The following GUCY1A2 variants were observed in gnomAD, a reference collection of about 807,000 sequenced individuals.
GUCY1A2 encodes the protein guanylate cyclase 1 soluble subunit alpha 2.
Under a neutral mutation model 63.5 loss-of-function variants are expected in GUCY1A2, and 27 were observed. That is an observed-to-expected ratio of 0.43 (90% confidence interval 0.31 to 0.59). The LOEUF is 0.59. Among genes scored for constraint, GUCY1A2 ranks in the 20% least tolerant of loss-of-function variants. GUCY1A2 has a pLI of 0.11. For synonymous variants in GUCY1A2, 364 were observed against 343.5 expected, an observed-to-expected ratio of 1.06 and a Z score of -0.66; for missense variants, 768 against 913.3, an observed-to-expected ratio of 0.84 and a Z score of 2.05.
At chr11:106,702,228 G>T (rs1265307755) in intron 7 of GUCY1A2, among the ~76,000 whole-genome samples, 1 of 152,142 alleles carries the variant, frequency 6.6e-6, no homozygotes, top group Non-Finnish European at 1.5e-5. Flanking sequence ...ATGAGATATT[G>T]GAGCTAAAAG....
In GUCY1A2 at chr11:106,683,337, C is replaced by T; in HGVS notation, c.*4212G>A. 4.5e-6 allele frequency: 1 copy of T among 223,228 alleles called. No individual in the cohort carries two copies. Among genetic ancestry groups the T allele is most frequent in the Non-Finnish European group, 9.0e-6 (1 of 111,682 alleles). The allele number at this position is 223,228 out of a possible 1,614,324, so 13.8% of individuals were successfully genotyped here. A position where few individuals can be genotyped will look rare whatever the true frequency, so the allele number is the denominator to read the frequency against. On this transcript the variant is annotated 3_prime_UTR_variant, in exon 8 of 8. Coordinates refer to ENST00000526355, the MANE Select transcript of GUCY1A2 (RefSeq NM_000855.3). ...CTAGATATTGTCAGCTGAAAGACGC[C>T]TGGTGCTACCCAAAGCCTATTCAGA... is the stretch of plus-strand genomic sequence containing the variant.
intron 6 of GUCY1A2, among the ~76,000 whole-genome samples, chr11:106,734,207 C>T (rs1189487244): frequency 6.6e-6 from 1 of 152,048 alleles, no homozygotes; most frequent in Non-Finnish European, 1.5e-5. Flanking sequence ...TACCAGCAAC[C>T]ACTGGAGCAA....
rs71041701 is a variant in GUCY1A2, at chr11:106,944,215, C to CAAAA, written c.488-4041_488-4038dup. Among the ~76,000 whole-genome samples the CAAAA allele has an allele frequency of 3.2e-3, 68 of 21,548 alleles. 2 individuals carry two copies. Among genetic ancestry groups the CAAAA allele is most frequent in the East Asian group, 7.1e-3 (4 of 566 alleles). 14.1% of individuals were successfully genotyped at this position (21,548 alleles called of 152,430 possible). On this transcript the variant is annotated intron_variant, in intron 3 of 7. Coordinates refer to ENST00000526355, the MANE Select transcript of GUCY1A2 (RefSeq NM_000855.3). ...GGGCAACAGAGTGAGACCCTGTCTC[C>CAAAA]AAAAAAAAAAAAAAAAAAAAAGCAG...
intron 5 of GUCY1A2, among the ~76,000 whole-genome samples, chr11:106,808,087 C>G (rs1410840972): frequency 6.6e-6 from 1 of 152,076 alleles, no homozygotes; most frequent in Non-Finnish European, 1.5e-5. Context: ...TAATAAACTC[C>G]CTTTCATATA....
At chr11:106,877,952 C>A (rs1032802813) in intron 4 of GUCY1A2, among the ~76,000 whole-genome samples, 1 of 151,512 alleles carries the variant, frequency 6.6e-6, no homozygotes, top group African/African-American at 2.4e-5. Context: ...CAAACAAACC[C>A]ATTAAAAAGT....
intron 3 of GUCY1A2, among the ~76,000 whole-genome samples, chr11:106,943,197 G>C (rs1318506253): frequency 6.6e-6 from 1 of 152,136 alleles, no homozygotes; most frequent in East Asian, 1.9e-4. Flanking sequence ...AGAAAGCACA[G>C]ACAAAGTAAT....
chr11:106,883,172 T>C (rs1035998181), intron 4 of GUCY1A2, among the ~76,000 whole-genome samples: 3 of 152,082 alleles, frequency 2.0e-5, no homozygotes, highest in South Asian at 2.1e-4. Context: ...CTGCCCGCAA[T>C]TGCATCTTTT....
chr11:107,000,769 T>A (rs991023756), intron 1 of GUCY1A2, among the ~76,000 whole-genome samples: 3 of 152,196 alleles, frequency 2.0e-5, no homozygotes, highest in Non-Finnish European at 4.4e-5. Context: ...ACTCTCTCTA[T>A]CCTTTCCTTT....
At chr11:106,700,402 G>A (rs1862798751) in intron 7 of GUCY1A2, among the ~76,000 whole-genome samples, 1 of 152,134 alleles carries the variant, frequency 6.6e-6, no homozygotes, top group East Asian at 1.9e-4. Context: ...ACATTTTCTG[G>A]GGAAAATGCT....
intron 6 of GUCY1A2, among the ~76,000 whole-genome samples, chr11:106,750,799 T>A (rs1052737781): frequency 1.3e-5 from 2 of 152,016 alleles, no homozygotes; most frequent in Non-Finnish European, 2.9e-5. Context: ...ATTTCCTTTT[T>A]TTTTTCTATA....
intron 4 of GUCY1A2, among the ~76,000 whole-genome samples, chr11:106,920,505 G>A (rs1860428801): frequency 6.6e-6 from 1 of 152,140 alleles, no homozygotes; most frequent in Admixed American, 6.6e-5. Flanking sequence ...CATGGGTGGA[G>A]TGTAAATTTA....
At chr11:106,720,396 T>C (rs1333111254) in intron 6 of GUCY1A2, among the ~76,000 whole-genome samples, 1 of 152,200 alleles carries the variant, frequency 6.6e-6, no homozygotes, top group African/African-American at 2.4e-5. Flanking sequence ...TTTAAGCTTA[T>C]GCATGCCAAA....
chr11:106,800,385 T>G (rs1864852452), intron 5 of GUCY1A2, among the ~76,000 whole-genome samples: 1 of 152,218 alleles, frequency 6.6e-6, no homozygotes, highest in African/African-American at 2.4e-5. Flanking sequence ...ATCCCATTAC[T>G]GGGTATATGC....
At chr11:106,747,280 G>A (rs904044230) in intron 6 of GUCY1A2, among the ~76,000 whole-genome samples, 3 of 148,030 alleles carry the variant, frequency 2.0e-5, no homozygotes, top group South Asian at 2.2e-4. Flanking sequence ...AAGCCACCGC[G>A]CCCGGCCCAT....
At chr11:106,872,164 G>T (rs1272521949) in intron 4 of GUCY1A2, among the ~76,000 whole-genome samples, 3 of 152,086 alleles carry the variant, frequency 2.0e-5, no homozygotes, top group Non-Finnish European at 4.4e-5. Flanking sequence ...TAATTAAATT[G>T]AACAAGAATA....
intron 4 of GUCY1A2, among the ~76,000 whole-genome samples, chr11:106,898,648 C>A (rs767672364): frequency 1.8e-4 from 27 of 151,950 alleles, no homozygotes; most frequent in Non-Finnish European, 3.5e-4. Flanking sequence ...CTGGAAAAAA[C>A]AAAAATATGG....
chr11:106,893,023 A>C (rs907089021), intron 4 of GUCY1A2, among the ~76,000 whole-genome samples: 12 of 152,204 alleles, frequency 7.9e-5, no homozygotes, highest in South Asian at 2.1e-4. Flanking sequence ...ACAACAACAA[A>C]AAAAAGTTTC....
At chr11:106,874,698 G>A (rs1199470679) in intron 4 of GUCY1A2, among the ~76,000 whole-genome samples, 1 of 151,986 alleles carries the variant, frequency 6.6e-6, no homozygotes, top group Non-Finnish European at 1.5e-5. Context: ...TTCTGCAAGA[G>A]TTAGCAACAG....
chr11:106,859,951 G>C (rs565827834), intron 4 of GUCY1A2, among the ~76,000 whole-genome samples: 2 of 151,934 alleles, frequency 1.3e-5, no homozygotes, highest in East Asian at 3.9e-4. Flanking sequence ...ATGCTTCTCA[G>C]CAATTATCCC....
Sources: gnomAD v4.1 joint callset for allele counts (sites outside exome capture counted in the v4.1 genomes callset) on GRCh38, gnomAD v4.1.1 for gene constraint, MANE v1.5 for transcripts, NCBI Gene and HGNC (gene_info 2026-07-23, HGNC 2026-07-21) for gene names.